The following STAU2 variants were observed in gnomAD, a reference collection of about 807,000 sequenced individuals.
STAU2 encodes double-stranded RNA-binding protein Staufen homolog 2.
Under a neutral mutation model 65.9 loss-of-function variants are expected in STAU2, and 20 were observed. The ratio of observed to expected loss-of-function variants is 0.30; its 90% CI spans 0.21 to 0.44. The LOEUF is 0.44. Among genes scored for constraint, STAU2 ranks in the 20% least tolerant of loss-of-function variants. The pLI, the probability that STAU2 is intolerant of heterozygous loss-of-function variation, is 1.00. For synonymous variants in STAU2, 232 were observed against 233.9 expected, an observed-to-expected ratio of 0.99 and a Z score of 0.07; for missense variants, 558 against 683.9, an observed-to-expected ratio of 0.82 and a Z score of 2.05.
At chr8:73,695,977 G>A (rs1819673390) in intron 4 of STAU2, among the ~76,000 whole-genome samples, 1 of 152,228 alleles carries the variant, frequency 6.6e-6, no homozygotes, top group South Asian at 2.1e-4. Context: ...CCTTGGGCAA[G>A]GCCAGTGCTG....
chr8:73,441,713 C>G (rs1818152529), intron 13 of STAU2, among the ~76,000 whole-genome samples: 1 of 152,150 alleles, frequency 6.6e-6, no homozygotes, highest in Non-Finnish European at 1.5e-5. Context: ...AATTAGGGAG[C>G]AGATTATTTC....
intron 3 of STAU2, among the ~76,000 whole-genome samples, chr8:73,718,073 T>C (rs1013934830): frequency 6.6e-6 from 1 of 152,270 alleles, no homozygotes; most frequent in Middle Eastern, 3.2e-3. Context: ...TCAGCAATTA[T>C]AGAGCCATTG....
intron 13 of STAU2, chr8:73,550,084 G>A: frequency 2.0e-6 from 2 of 985,364 alleles, no homozygotes; most frequent in Non-Finnish European, 1.2e-6. Flanking sequence ...CTTAGCTGCA[G>A]GTAGTGGTCC....
chr8:73,578,792 C>T (rs1809769813), intron 12 of STAU2, among the ~76,000 whole-genome samples: 1 of 152,186 alleles, frequency 6.6e-6, no homozygotes, highest in Non-Finnish European at 1.5e-5. Flanking sequence ...AGTTGGATCA[C>T]TCAGCTTTAT....
intron 13 of STAU2, among the ~76,000 whole-genome samples, chr8:73,503,853 T>C (rs956278574): frequency 9.9e-5 from 15 of 152,060 alleles, no homozygotes; most frequent in African/African-American, 3.6e-4. Flanking sequence ...CCAGGGAAAC[T>C]CTATTTCTCT....
chr8:73,657,019 G>GAT (rs2130286892), intron 6 of STAU2, among the ~76,000 whole-genome samples: 1 of 152,314 alleles, frequency 6.6e-6, no homozygotes, highest in Non-Finnish European at 1.5e-5. Flanking sequence ...ATTCTTCAGT[G>GAT]ATATATAACA....
chr8:73,422,472 T>C (rs906424301), intron 14 of STAU2, 142 bp downstream of exon 14: 1 of 649,880 alleles, frequency 1.5e-6, no homozygotes, highest in African/African-American at 1.9e-5. Flanking sequence ...CTGGTTTTCA[T>C]TTCTTTACAT....
chr8:73,461,536 G>A (rs746232454), intron 13 of STAU2, among the ~76,000 whole-genome samples: 3 of 151,890 alleles, frequency 2.0e-5, no homozygotes, highest in Admixed American at 6.6e-5. Flanking sequence ...GCAAATATGA[G>A]GTGACTTTGG....
chr8:73,575,272 C>G (rs1809451814), intron 12 of STAU2, among the ~76,000 whole-genome samples: 1 of 151,956 alleles, frequency 6.6e-6, no homozygotes, highest in Non-Finnish European at 1.5e-5. Context: ...AAGAGAAATG[C>G]AAAATAAAAC....
intron 5 of STAU2, among the ~76,000 whole-genome samples, chr8:73,679,896 A>C (rs1277834137): frequency 1.3e-5 from 2 of 150,588 alleles, no homozygotes; most frequent in African/African-American, 2.5e-5. Flanking sequence ...CTAAAAAAAA[A>C]AACAAAACAA....
intron 13 of STAU2, chr8:73,549,987 A>C (rs1282573001): frequency 2.0e-6 from 2 of 985,672 alleles, no homozygotes; most frequent in African/African-American, 3.5e-5. Flanking sequence ...AAAACTTTTA[A>C]CCACAAAGAA....
intron 13 of STAU2, among the ~76,000 whole-genome samples, chr8:73,446,108 GC>G (rs138863579): frequency 1.3e-5 from 2 of 152,298 alleles, no homozygotes; most frequent in Non-Finnish European, 2.9e-5. Flanking sequence ...ATACTACTCA[GC>G]CATCAAAAGG....
chr8:73,543,732 G>T lies in STAU2; in HGVS notation c.1530+8280C>A, dbSNP rs530619800. On this transcript the variant is annotated intron_variant, in intron 13 of 14. Coordinates refer to ENST00000524300, the MANE Select transcript of STAU2 (RefSeq NM_001164380.2). ...AAGTCGTGTACCTGGTCCATGGCAG[G>T]TGCTCAATACACACTGGTTGAATTC... Among the ~76,000 whole-genome samples the T allele has an allele frequency of 1.6e-3, 238 of 152,256 alleles. No individual in the cohort carries two copies. In the Middle Eastern group the frequency reaches 0.044, roughly 28 times the overall value.
intron 2 of STAU2, among the ~76,000 whole-genome samples, chr8:73,739,037 G>A (rs1806640451): frequency 6.6e-6 from 1 of 152,010 alleles, no homozygotes; most frequent in South Asian, 2.1e-4. Context: ...TTCGGGACCA[G>A]CCTGGCCAAC....
chr8:73,433,956 G>T (rs962713121), intron 13 of STAU2, among the ~76,000 whole-genome samples: 1 of 151,800 alleles, frequency 6.6e-6, no homozygotes, highest in East Asian at 1.9e-4. Context: ...AGATGCCCAC[G>T]TCCTAATCCT....
chr8:73,550,740 G>A (rs368447333), intron 13 of STAU2: 1 of 987,352 alleles, frequency 1.0e-6, no homozygotes, highest in South Asian at 4.7e-5. Flanking sequence ...TAAAATTTCA[G>A]ATGACAGAGC....
At chr8:73,433,503 CT>C (rs34174316) in intron 13 of STAU2, among the ~76,000 whole-genome samples, 45,285 of 126,402 alleles carry the variant, frequency 0.36, 7,666 homozygotes, top group Admixed American at 0.39. Flanking sequence ...CACGCCCCGC[CT>C]TTTTTTTTTT....
chr8:73,596,110 C>CT (rs1169110502), intron 10 of STAU2, among the ~76,000 whole-genome samples: 1 of 146,294 alleles, frequency 6.8e-6, no homozygotes, highest in Non-Finnish European at 1.5e-5. Flanking sequence ...AATACTCCAT[C>CT]TTTAAAAAAA....
chr8:73,454,983 G>T (rs983645642), intron 13 of STAU2, among the ~76,000 whole-genome samples: 2 of 152,144 alleles, frequency 1.3e-5, no homozygotes, highest in African/African-American at 4.8e-5. Flanking sequence ...GCAGGACCTT[G>T]GAGTCCAAGC....
Sources: allele counts gnomAD v4.1 joint callset (sites outside exome capture counted in the v4.1 genomes callset), GRCh38; gene constraint gnomAD v4.1.1; transcripts MANE v1.5; gene names NCBI Gene and HGNC (gene_info 2026-07-23, HGNC 2026-07-21).